Variants in GRM1 observed in about 807,000 individuals in gnomAD.
GRM1 encodes the protein metabotropic glutamate receptor 1.
A neutral mutation model predicts 90.9 loss-of-function variants in GRM1; 33 were observed. The observed-to-expected ratio is 0.36, with a 90% CI of 0.28 to 0.49. The LOEUF (loss-of-function observed/expected upper bound fraction) is 0.49. Among genes scored for constraint, GRM1 ranks in the 20% least tolerant of loss-of-function variants. The pLI, the probability that GRM1 is intolerant of heterozygous loss-of-function variation, is 0.99. For missense variants in GRM1, 1,190 were observed against 1,534.3 expected, an observed-to-expected ratio of 0.78 and a Z score of 3.75; for synonymous variants, 700 against 613.2, an observed-to-expected ratio of 1.14 and a Z score of -2.09.
intron 2 of GRM1, among the ~76,000 whole-genome samples, chr6:146,207,596 G>A (rs990596392): frequency 6.6e-6 from 1 of 152,120 alleles, no homozygotes; most frequent in Non-Finnish European, 1.5e-5. Context: ...CTATTTTTCT[G>A]CAGAGAGGAG....
intron 2 of GRM1, among the ~76,000 whole-genome samples, chr6:146,215,230 A>G (rs1779828290): frequency 6.6e-6 from 1 of 152,234 alleles, no homozygotes; most frequent in African/African-American, 2.4e-5. Flanking sequence ...ATTTCAATTT[A>G]GTTTTAAGAG....
chr6:146,029,162 A>G lies in GRM1; in HGVS notation c.-356A>G. ...GAGTTTTAACACAGGTCCTCTGATG[A>G]CAAGGTTGTGATTTTTCTCTGTCTT... On this transcript the variant is annotated 5_prime_UTR_variant, in exon 1 of 8. Coordinates refer to ENST00000282753, the MANE Select transcript of GRM1 (RefSeq NM_001278064.2). The G allele has an allele frequency of 2.7e-6, 1 of 369,628 alleles. No homozygotes were observed. Among genetic ancestry groups the G allele is most frequent in the Non-Finnish European group, 5.2e-6 (1 of 193,928 alleles). The allele number at this position is 369,628 out of a possible 1,614,324, so 22.9% of individuals were successfully genotyped here. A position where few individuals can be genotyped will look rare whatever the true frequency, so the allele number is the denominator to read the frequency against.
chr6:146,390,236 T>A (rs1776667711), intron 6 of GRM1, among the ~76,000 whole-genome samples: 1 of 152,060 alleles, frequency 6.6e-6, no homozygotes, highest in African/African-American at 2.4e-5. Context: ...CCATACATTA[T>A]AATATTAATG....
intron 2 of GRM1, among the ~76,000 whole-genome samples, chr6:146,235,376 C>A (rs955512089): frequency 1.3e-5 from 2 of 151,916 alleles, no homozygotes; most frequent in Admixed American, 6.6e-5. Context: ...TATGATATGT[C>A]CAAGGATTTG....
chr6:146,045,420 G>C (rs1014851857), intron 1 of GRM1, among the ~76,000 whole-genome samples: 1 of 151,830 alleles, frequency 6.6e-6, no homozygotes, highest in Non-Finnish European at 1.5e-5. Context: ...TCTTAGTTTT[G>C]TTTCATTCAC....
At chr6:146,344,215 A>T (rs1785091154) in intron 3 of GRM1, among the ~76,000 whole-genome samples, 1 of 152,162 alleles carries the variant, frequency 6.6e-6, no homozygotes, top group Admixed American at 6.5e-5. Context: ...TTATTTGTTC[A>T]GTCTTGGTAT....
At chr6:146,242,614 C>A (rs1780906679) in intron 2 of GRM1, among the ~76,000 whole-genome samples, 1 of 152,094 alleles carries the variant, frequency 6.6e-6, no homozygotes, top group Non-Finnish European at 1.5e-5. Context: ...AATTCCTGTG[C>A]TCTGTCGACA....
intron 1 of GRM1, among the ~76,000 whole-genome samples, chr6:146,118,035 A>G (rs921941106): frequency 6.6e-6 from 1 of 151,960 alleles, no homozygotes; most frequent in Non-Finnish European, 1.5e-5. Context: ...AATGTAGTAT[A>G]AAAAATTTTT....
At chr6:146,240,460 G>A (rs1335866441) in intron 2 of GRM1, among the ~76,000 whole-genome samples, 1 of 151,884 alleles carries the variant, frequency 6.6e-6, no homozygotes, top group East Asian at 1.9e-4. Context: ...TGCAAGAAAT[G>A]GATTCCTGGC....
At chr6:146,136,365 C>T (rs1314299081) in intron 1 of GRM1, among the ~76,000 whole-genome samples, 1 of 152,184 alleles carries the variant, frequency 6.6e-6, no homozygotes, top group Non-Finnish European at 1.5e-5. Context: ...AACTGCTCTC[C>T]ATAGTGATTG....
At chr6:146,165,341 T>C (rs1777869942) in intron 2 of GRM1, among the ~76,000 whole-genome samples, 1 of 152,144 alleles carries the variant, frequency 6.6e-6, no homozygotes, top group Non-Finnish European at 1.5e-5. Flanking sequence ...CACGGTGTTA[T>C]GTTTCATATA....
chr6:146,240,487 T>G (rs1221350765), intron 2 of GRM1, among the ~76,000 whole-genome samples: 1 of 151,626 alleles, frequency 6.6e-6, no homozygotes, highest in Non-Finnish European at 1.5e-5. Flanking sequence ...TGAATCCAAA[T>G]GAGAGGAACA....
chr6:146,037,915 T>C (rs186250423), intron 1 of GRM1, among the ~76,000 whole-genome samples: 1 of 152,132 alleles, frequency 6.6e-6, no homozygotes, highest in Admixed American at 6.6e-5. Context: ...CTCTGGAAGG[T>C]CTGAATAAAG....
Position 146,368,046 on chromosome 6 carries a change from A to C in GRM1, c.1602+10352A>C, listed in dbSNP as rs376395128. Reference sequence around the variant, plus strand: ...TGTGTCCTCTTCAATTTCTTTCATCAGTGTGTTATAGTTTTGATTGTAAAA... The same window carrying C: ...TGTGTCCTCTTCAATTTCTTTCATCCGTGTGTTATAGTTTTGATTGTAAAA... On this transcript the variant is annotated intron_variant, in intron 5 of 7. Coordinates refer to ENST00000282753, the MANE Select transcript of GRM1 (RefSeq NM_001278064.2). Among the ~76,000 whole-genome samples the C allele has an allele frequency of 2.4e-4, 36 of 152,086 alleles. 1 individual carries two copies. The South Asian group carries it at 2.5e-3, about 11-fold the overall frequency.
chr6:146,182,633 C>T (rs1266966401), intron 2 of GRM1, among the ~76,000 whole-genome samples: 2 of 152,106 alleles, frequency 1.3e-5, no homozygotes, highest in African/African-American at 4.8e-5. Flanking sequence ...TACATTCTCA[C>T]AAAGACTTCT....
chr6:146,160,311 G>A (rs1332553260), intron 2 of GRM1, among the ~76,000 whole-genome samples: 1 of 152,190 alleles, frequency 6.6e-6, no homozygotes, highest in African/African-American at 2.4e-5. Flanking sequence ...GGAATTGCTG[G>A]TGGTGGCTCC....
chr6:146,397,473 CAAAAAAAAAAGAA>C (rs764323383), intron 6 of GRM1, among the ~76,000 whole-genome samples: 53 of 16,768 alleles, frequency 3.2e-3, no homozygotes, highest in African/African-American at 0.011. Context: ...GACCCCGTCT[CAAAAAAAAAAGAA>C]AAAAAAAAAA....
intron 1 of GRM1, among the ~76,000 whole-genome samples, chr6:146,094,336 A>G (rs1776808623): frequency 6.6e-6 from 1 of 152,084 alleles, no homozygotes; most frequent in Non-Finnish European, 1.5e-5. Flanking sequence ...ATAAGCAACC[A>G]GTAGTCCTGG....
rs117698575 is a variant in GRM1, at chr6:146,106,218, T to G, written c.701-53130T>G. ...TAGAACACCACTTGATTAATGGAAA[T>G]TCTCTTTAAATGCAACTCATAATAC... is the stretch of plus-strand genomic sequence containing the variant. On this transcript the variant is annotated intron_variant, in intron 1 of 7. Coordinates refer to ENST00000282753, the MANE Select transcript of GRM1 (RefSeq NM_001278064.2). 7.7e-4 allele frequency among the ~76,000 whole-genome samples: 117 copies of G among 152,332 alleles called. 2 individuals carry two copies. Among genetic ancestry groups the G allele is most frequent in the Non-Finnish European group, 1.3e-3 (87 of 68,028 alleles).
Sources: gnomAD v4.1 joint callset for allele counts (sites outside exome capture counted in the v4.1 genomes callset) on GRCh38, gnomAD v4.1.1 for gene constraint, MANE v1.5 for transcripts, NCBI Gene and HGNC (gene_info 2026-07-23, HGNC 2026-07-21) for gene names.